The following ELAVL4 variants were observed in gnomAD, a reference collection of about 807,000 sequenced individuals.
The protein encoded by ELAVL4 is ELAV-like protein 4.
A neutral mutation model predicts 35.6 loss-of-function variants in ELAVL4; 1 was observed. The ratio of observed to expected loss-of-function variants is 0.03; its 90% CI spans 0.01 to 0.13. The LOEUF is 0.13. Ranked by LOEUF, ELAVL4 falls within the 10% of genes least tolerant of loss-of-function variation. The pLI is 1.00. For missense variants in ELAVL4, 267 were observed against 464.9 expected (o/e 0.57, Z 3.91); for synonymous variants, 156 against 171.0 (o/e 0.91, Z 0.69).
At chr1:50,105,089 G>A (rs923931372), upstream of ELAVL4, among the ~76,000 whole-genome samples, 8 of 150,838 alleles carry the variant, frequency 5.3e-5, no homozygotes, top group African/African-American at 1.2e-4. Context: ...ATTTTTTTTC[G>A]GTGTCTTTAC....
At chr1:50,070,069 A>G (rs188633889) in intron 1 of ELAVL4, among the ~76,000 whole-genome samples, 1 of 152,158 alleles carries the variant, frequency 6.6e-6, no homozygotes, top group South Asian at 2.1e-4. Context: ...CATAGAATTG[A>G]TATATTTGCC....
chr1:50,147,533 G>C (rs549052300), intron 2 of ELAVL4, among the ~76,000 whole-genome samples: 1 of 152,204 alleles, frequency 6.6e-6, no homozygotes, highest in South Asian at 2.1e-4. Context: ...TCTAGCGGAG[G>C]ACCTCCCCGA....
chr1:50,169,446 T>C (rs574420145), intron 2 of ELAVL4, among the ~76,000 whole-genome samples: 20 of 152,302 alleles, frequency 1.3e-4, no homozygotes, highest in African/African-American at 4.8e-4. Flanking sequence ...ACACTGCCTT[T>C]CCTTCTTCTC....
intron 1 of ELAVL4, among the ~76,000 whole-genome samples, chr1:50,092,560 G>A (rs928508093): frequency 1.3e-5 from 2 of 152,118 alleles, no homozygotes; most frequent in African/African-American, 2.4e-5. Context: ...CAGTGGTTTG[G>A]GTCTGACCCA....
At chr1:50,184,062 C>T (rs1478872384) in intron 3 of ELAVL4, among the ~76,000 whole-genome samples, 2 of 152,162 alleles carry the variant, frequency 1.3e-5, no homozygotes, top group Non-Finnish European at 2.9e-5. Context: ...GACACGTTTA[C>T]CCCAGTTGTG....
At chr1:50,197,032 G>A (rs1161411019) in intron 5 of ELAVL4, among the ~76,000 whole-genome samples, 1 of 152,214 alleles carries the variant, frequency 6.6e-6, no homozygotes, top group Non-Finnish European at 1.5e-5. Context: ...TTGTGTGCCT[G>A]TGTATTGTTA....
At chr1:50,112,004 C>T (rs17105874) in intron 1 of ELAVL4, among the ~76,000 whole-genome samples, 10,780 of 152,122 alleles carry the variant, frequency 0.071, 1,128 homozygotes, top group African/African-American at 0.23. Context: ...CTGAAATACA[C>T]TAAAAGATTA....
rs1293329881 is a variant in ELAVL4, at chr1:50,197,473, T to G, written c.773+6T>G. 1 of 1,573,988 alleles carries G rather than the reference T, an allele frequency of 6.4e-7. No individual in the cohort carries two copies. The highest frequency in any genetic ancestry group is 8.6e-7 in the Non-Finnish European group (1 of 1,162,960). ...ATGGCCTATGGCGTAAAGAGGTAAT[T>G]AAAACTCCACAGATTGCCAGATGTC... On this transcript the variant is annotated splice_donor_region_variant and intron_variant, in intron 6 of 6. Transcript: ENST00000371824.
chr1:50,065,903 T>C (rs530896352), intron 1 of ELAVL4, among the ~76,000 whole-genome samples: 3 of 152,264 alleles, frequency 2.0e-5, no homozygotes, highest in African/African-American at 7.2e-5. Flanking sequence ...TCTTTTCCTC[T>C]AGAAGGAGAA....
intron 3 of ELAVL4, among the ~76,000 whole-genome samples, chr1:50,183,365 A>G (rs559626955): frequency 2.0e-5 from 3 of 152,288 alleles, no homozygotes; most frequent in African/African-American, 7.2e-5. Context: ...GAGCAAATCT[A>G]TGAGAGTTAG....
intron 1 of ELAVL4, among the ~76,000 whole-genome samples, chr1:50,135,914 T>C (rs186310099): frequency 6.6e-6 from 1 of 152,254 alleles, no homozygotes; most frequent in East Asian, 1.9e-4. Context: ...AAGGGTGGTA[T>C]TTCCAAGTTC....
intron 1 of ELAVL4, among the ~76,000 whole-genome samples, chr1:50,114,003 A>G (rs1379718326): frequency 6.6e-6 from 1 of 151,990 alleles, no homozygotes; most frequent in Non-Finnish European, 1.5e-5. Flanking sequence ...TCTCTTCATG[A>G]CTCCAAGAGT....
chr1:50,096,541 C>T (rs1315376312), intron 1 of ELAVL4, among the ~76,000 whole-genome samples: 2 of 151,326 alleles, frequency 1.3e-5, no homozygotes, highest in Admixed American at 6.6e-5. Flanking sequence ...CCTTGAATGC[C>T]GTACTGAATA....
chr1:50,118,295 GA>G (rs1231835101), intron 1 of ELAVL4, among the ~76,000 whole-genome samples: 1 of 152,008 alleles, frequency 6.6e-6, no homozygotes, highest in African/African-American at 2.4e-5. Flanking sequence ...GTTTCTCACG[GA>G]ATGGTGAAGA....
At chr1:50,085,486 T>C (rs1665199605) in intron 1 of ELAVL4, among the ~76,000 whole-genome samples, 1 of 152,180 alleles carries the variant, frequency 6.6e-6, no homozygotes, top group Non-Finnish European at 1.5e-5. Flanking sequence ...ATTTTCAGCC[T>C]TCATAATCTG....
At chr1:50,119,052 G>GAT (rs1668535490) in intron 1 of ELAVL4, among the ~76,000 whole-genome samples, 1 of 122,414 alleles carries the variant, frequency 8.2e-6, no homozygotes, top group Non-Finnish European at 1.7e-5. Context: ...AAGAAAGAAA[G>GAT]AAAGAAAGAA....
intron 6 of ELAVL4, among the ~76,000 whole-genome samples, chr1:50,199,170 A>G (rs1572640384): frequency 6.6e-6 from 1 of 152,220 alleles, no homozygotes; most frequent in Admixed American, 6.5e-5. Context: ...AATAGCAAAA[A>G]TATTGTCTAT....
intron 1 of ELAVL4, among the ~76,000 whole-genome samples, chr1:50,088,987 A>G (rs998167295): frequency 3.9e-5 from 6 of 152,230 alleles, no homozygotes; most frequent in African/African-American, 1.4e-4. Flanking sequence ...CCCATTTCAC[A>G]GCTGATGGTG....
chr1:50,142,967 A>T (rs1454321537), intron 1 of ELAVL4, among the ~76,000 whole-genome samples: 1 of 152,226 alleles, frequency 6.6e-6, no homozygotes, highest in Admixed American at 6.5e-5. Context: ...AGAGCAGATG[A>T]CACTCCATAC....
Sources: allele counts gnomAD v4.1 joint callset (sites outside exome capture counted in the v4.1 genomes callset), GRCh38; gene constraint gnomAD v4.1.1; transcripts MANE v1.5; gene names NCBI Gene and HGNC (gene_info 2026-07-23, HGNC 2026-07-21).